The following ADGRL3 variants were observed in gnomAD, a reference collection of about 807,000 sequenced individuals.
ADGRL3 encodes the protein calcium-independent alpha-latrotoxin receptor 3.
In ADGRL3, 62 loss-of-function variants were observed where a neutral mutation model predicts 153.5. That is an observed-to-expected ratio of 0.40 (90% confidence interval 0.33 to 0.50). The LOEUF (loss-of-function observed/expected upper bound fraction) is 0.50. ADGRL3 is among the 20% of genes least tolerant of loss of function. The pLI, the probability that ADGRL3 is intolerant of heterozygous loss-of-function variation, is 0.47. For synonymous variants in ADGRL3, 710 were observed against 672.5 expected (o/e 1.06, Z -0.86); for missense variants, 1,641 against 1,859.4 (o/e 0.88, Z 2.16).
At chr4:61,430,228 G>T (rs114790735) in intron 2 of ADGRL3, among the ~76,000 whole-genome samples, 2 of 152,128 alleles carry the variant, frequency 1.3e-5, no homozygotes, top group Non-Finnish European at 2.9e-5. Flanking sequence ...ATGTAAATGG[G>T]ATTGGAAGAG....
chr4:61,211,047 T>G (rs1231830745), intron 1 of ADGRL3, among the ~76,000 whole-genome samples: 1 of 152,186 alleles, frequency 6.6e-6, no homozygotes, highest in Non-Finnish European at 1.5e-5. Flanking sequence ...AAATATTATT[T>G]TACGGTCATT....
chr4:61,691,991 A>C (rs2095547720), intron 6 of ADGRL3, among the ~76,000 whole-genome samples: 2 of 152,146 alleles, frequency 1.3e-5, no homozygotes, highest in African/African-American at 4.8e-5. Context: ...CAGCTCAGGA[A>C]ACAATTGATT....
rs563796550 is a variant in ADGRL3, at chr4:61,813,641, G to T, written c.1400-168G>T. On this transcript the variant is annotated intron_variant, in intron 8 of 26. Transcript: ENST00000683033. ...GTTGGAAAAGCACTGCTTTAATTGG[G>T]TGATGTTCGGATGACACATTGTTTT... Among the ~76,000 whole-genome samples the T allele has an allele frequency of 3.3e-5, 5 of 152,266 alleles. 1 individual carries two copies. The highest frequency in any genetic ancestry group is 9.6e-5 in the African/African-American group (4 of 41,556).
At chr4:61,301,495 G>A (rs2094579488) in intron 1 of ADGRL3, among the ~76,000 whole-genome samples, 1 of 152,162 alleles carries the variant, frequency 6.6e-6, no homozygotes, top group South Asian at 2.1e-4. Flanking sequence ...CTGTCCAAAT[G>A]TTTTCTCACG....
chr4:61,390,115 T>A (rs2096785070), intron 2 of ADGRL3, among the ~76,000 whole-genome samples: 1 of 152,236 alleles, frequency 6.6e-6, no homozygotes, highest in African/African-American at 2.4e-5. Context: ...TTATGTTAAA[T>A]TTTAAAATAA....
chr4:61,939,515 G>T (rs1249330562), intron 15 of ADGRL3, among the ~76,000 whole-genome samples: 1 of 150,630 alleles, frequency 6.6e-6, no homozygotes, highest in African/African-American at 2.5e-5. Flanking sequence ...TGTCACCCAG[G>T]CTGGGATGCA....
intron 1 of ADGRL3, among the ~76,000 whole-genome samples, chr4:61,306,847 A>C (rs2094808169): frequency 6.6e-6 from 1 of 152,326 alleles, no homozygotes; most frequent in African/African-American, 2.4e-5. Context: ...CACGTGTGCA[A>C]CCATTTTCTA....
At chr4:61,821,046 T>C (rs1002147554) in intron 9 of ADGRL3, among the ~76,000 whole-genome samples, 7 of 152,158 alleles carry the variant, frequency 4.6e-5, no homozygotes, top group Non-Finnish European at 7.4e-5. Context: ...GTTGAGACTT[T>C]GTTGTTTTTA....
intron 6 of ADGRL3, among the ~76,000 whole-genome samples, chr4:61,717,348 C>T (rs1168646030): frequency 2.0e-5 from 3 of 152,020 alleles, no homozygotes; most frequent in African/African-American, 7.2e-5. Flanking sequence ...AATTGTGCTA[C>T]TTCATTTCCT....
intron 25 of ADGRL3, among the ~76,000 whole-genome samples, chr4:62,064,994 CA>C: frequency 6.6e-6 from 1 of 152,152 alleles, no homozygotes; most frequent in Non-Finnish European, 1.5e-5. Context: ...GCATAGAGCT[CA>C]TTGAATTCTC....
At chr4:61,972,476 G>A (rs776125579) in intron 17 of ADGRL3, among the ~76,000 whole-genome samples, 10 of 152,046 alleles carry the variant, frequency 6.6e-5, no homozygotes, top group Admixed American at 2.0e-4. Context: ...GTAGATATGC[G>A]GTGTTATTTC....
chr4:61,450,317 A>C (rs908698777), intron 2 of ADGRL3, among the ~76,000 whole-genome samples: 1 of 152,222 alleles, frequency 6.6e-6, no homozygotes, highest in Non-Finnish European at 1.5e-5. Flanking sequence ...GTACTATTAT[A>C]AATTGCTAAT....
At chr4:61,865,996 G>A (rs910269802) in intron 9 of ADGRL3, among the ~76,000 whole-genome samples, 1 of 152,198 alleles carries the variant, frequency 6.6e-6, no homozygotes, top group African/African-American at 2.4e-5. Flanking sequence ...AATGATGCAT[G>A]TTCTTCCATC....
intron 1 of ADGRL3, among the ~76,000 whole-genome samples, chr4:61,279,836 ATAAATATGT>A (rs2093642975): frequency 6.6e-6 from 1 of 152,012 alleles, no homozygotes; most frequent in East Asian, 1.9e-4. Flanking sequence ...TGGTCTATTG[ATAAATATGT>A]GATATGGCCA....
At chr4:61,709,948 A>T (rs1184899220) in intron 6 of ADGRL3, among the ~76,000 whole-genome samples, 1 of 152,202 alleles carries the variant, frequency 6.6e-6, no homozygotes, top group Non-Finnish European at 1.5e-5. Flanking sequence ...ACCATGATAT[A>T]GCCATGCTAT....
At chr4:61,422,119 G>A (rs180879336) in intron 2 of ADGRL3, among the ~76,000 whole-genome samples, 1 of 152,120 alleles carries the variant, frequency 6.6e-6, no homozygotes, top group African/African-American at 2.4e-5. Flanking sequence ...GTGAGAGACT[G>A]CTTTGCATTT....
intron 8 of ADGRL3, among the ~76,000 whole-genome samples, chr4:61,755,382 T>A (rs1226387726): frequency 8.5e-5 from 13 of 152,220 alleles, no homozygotes; most frequent in Non-Finnish European, 4.4e-5. Context: ...ATGATGAGCA[T>A]TTTTTCATGT....
intron 5 of ADGRL3, among the ~76,000 whole-genome samples, chr4:61,598,047 A>G (rs771760362): frequency 1.1e-4 from 17 of 152,132 alleles, no homozygotes; most frequent in Non-Finnish European, 1.8e-4. Flanking sequence ...CAAGTAGATC[A>G]TCCTTGCCTG....
chr4:61,912,518 C>G (rs892369637), intron 12 of ADGRL3, among the ~76,000 whole-genome samples: 3 of 152,112 alleles, frequency 2.0e-5, no homozygotes, highest in African/African-American at 4.8e-5. Context: ...TTAGGTTGTT[C>G]TGAAAGGATG....
Sources: gnomAD v4.1 joint callset for allele counts (sites outside exome capture counted in the v4.1 genomes callset) on GRCh38, gnomAD v4.1.1 for gene constraint, MANE v1.5 for transcripts, NCBI Gene and HGNC (gene_info 2026-07-23, HGNC 2026-07-21) for gene names.